PHYKPL: variants seen among roughly 807,000 people sequenced by gnomAD.
The protein encoded by PHYKPL is 5-phosphohydroxy-L-lysine phospho-lyase.
A neutral mutation model predicts 51.3 loss-of-function variants in PHYKPL; 42 were observed. That is an observed-to-expected ratio of 0.82 (90% CI 0.64 to 1.06). The LOEUF (loss-of-function observed/expected upper bound fraction) is 1.06. PHYKPL is among the 50% of genes least tolerant of loss of function. The probability of loss-of-function intolerance (pLI) is 0.00; values close to 1 mark genes in which losing one functional copy is unlikely to be tolerated. For synonymous variants in PHYKPL, 264 were observed against 236.0 expected (o/e 1.12, Z -1.09); for missense variants, 655 against 586.6 (o/e 1.12, Z -1.20).
chr5:178,217,397 T>C (rs1229763976), intron 8 of PHYKPL, among the ~76,000 whole-genome samples: 1 of 151,876 alleles, frequency 6.6e-6, no homozygotes, highest in East Asian at 2.0e-4. Context: ...ATTTTTGTAT[T>C]TTTAGTAGAG....
rs1762080898 is a variant in PHYKPL at position 178,225,348 on chromosome 5, C to T, written c.413+7G>A. The T allele has an allele frequency of 1.2e-6, 2 of 1,614,192 alleles. No individual in the cohort carries two copies. The highest frequency in any genetic ancestry group is 1.7e-6 in the Non-Finnish European group (2 of 1,180,018). The stretch of plus-strand genomic sequence containing the variant: ...CTGGGAACGGTAGGGCTGTGAGTTG[C>T]ACTTACTGATCTAATACCACCACGT... On this transcript the variant is annotated splice_region_variant and intron_variant, in intron 4 of 12. Transcript: ENST00000308158.
chr5:178,225,601 T>C lies in PHYKPL; in HGVS notation c.339-172A>G, dbSNP rs1762131534. The C allele has an allele frequency of 1.1e-5, 7 of 626,578 alleles. No individual in the cohort carries two copies. In the South Asian group the frequency reaches 1.3e-4, roughly 12 times the overall value. 38.8% of individuals were successfully genotyped at this position (626,578 alleles called of 1,614,324 possible). ...CAAATGCCTCCTATGTACTAGAAGC[T>C]GGGGGAAAAAGAGTAGGTAAAACAG... On this transcript the variant is annotated intron_variant, in intron 3 of 12. Coordinates refer to ENST00000308158, the MANE Select transcript of PHYKPL (RefSeq NM_153373.4).
chr5:178,226,524 G>A (rs1233342801), intron 3 of PHYKPL: 2 of 152,180 alleles, frequency 1.3e-5, no homozygotes, highest in Non-Finnish European at 2.9e-5. Context: ...AGATGCATAG[G>A]GTGAGGTATG....
intron 11 of PHYKPL, 45 bp downstream of exon 11, chr5:178,212,927 CA>C (rs1365304080): frequency 4.4e-6 from 7 of 1,605,612 alleles, no homozygotes; most frequent in African/African-American, 1.3e-5. Context: ...TTGCTGGCTT[CA>C]GGCTGAGTTC....
chr5:178,207,366 G>A, downstream of PHYKPL: 2 of 947,114 alleles, frequency 2.1e-6, no homozygotes, highest in Non-Finnish European at 3.1e-6. Context: ...ATGCTGCCCT[G>A]ATTGGGGCAG....
In PHYKPL at chr5:178,224,466, T is replaced by C. The variant is rs1260978656; in HGVS notation, c.600A>G (p.Ala200=). Residue 200 remains alanine (A), a synonymous_variant, in exon 6 of 13, where the codon GCA becomes GCG. Transcript: ENST00000308158. ...ANEVKRVVSS[A]QEKGRKIAAF... ...CGGTTACCTTCCTGCCCTTCTCCTG[T>C]GCACTGCTGACCACACGTTTCACCT... 6.3e-7 allele frequency: 1 copy of C among 1,596,258 alleles called. No individual in the cohort carries two copies.
intron 3 of PHYKPL, among the ~76,000 whole-genome samples, chr5:178,227,017 GC>G (rs1274530049): frequency 1.3e-5 from 2 of 152,126 alleles, no homozygotes; most frequent in East Asian, 3.9e-4. Flanking sequence ...TACGATGGAT[GC>G]CCTGGGAGAG....
At chr5:178,208,036 C>T (rs1757164977), downstream of PHYKPL, among the ~76,000 whole-genome samples, 1 of 152,174 alleles carries the variant, frequency 6.6e-6, no homozygotes, top group Non-Finnish European at 1.5e-5. Flanking sequence ...AAAGATCTCC[C>T]AGGGTCCTGG....
At chr5:178,214,669 C>T in intron 10 of PHYKPL, 127 bp downstream of exon 10, 2 of 827,082 alleles carry the variant, frequency 2.4e-6, no homozygotes, top group East Asian at 2.6e-5. Context: ...AGCCCCAGCC[C>T]TCTTTCAATC....
chr5:178,227,547 A>C (rs1190668155), intron 3 of PHYKPL, among the ~76,000 whole-genome samples: 10 of 152,126 alleles, frequency 6.6e-5, no homozygotes, highest in Non-Finnish European at 1.5e-4. Context: ...AAAAGAGCTC[A>C]GTGTGCTCCG....
intron 1 of PHYKPL, chr5:178,232,208 C>G (rs913343497): frequency 1.8e-5 from 23 of 1,255,314 alleles, no homozygotes; most frequent in African/African-American, 3.1e-5. Flanking sequence ...GAGGCTGACA[C>G]AGCCGAACAG....
chr5:178,209,508 C>G, intron 12 of PHYKPL: 1 of 1,432,224 alleles, frequency 7.0e-7, no homozygotes, highest in Non-Finnish European at 9.8e-7. Context: ...CCTTCCAAGC[C>G]TGTCTTGGGG....
intron 12 of PHYKPL, chr5:178,209,323 CTT>C: frequency 9.9e-6 from 16 of 1,613,270 alleles, no homozygotes; most frequent in Non-Finnish European, 1.3e-5. Flanking sequence ...GTCCTCTTGA[CTT>C]TTAGTGTGAG....
Position 178,225,346 on chromosome 5 carries a change from T to A in PHYKPL, c.413+9A>T. On this transcript the variant is annotated intron_variant, in intron 4 of 12. Coordinates refer to ENST00000308158, the MANE Select transcript of PHYKPL (RefSeq NM_153373.4). ...TTCTGGGAACGGTAGGGCTGTGAGTTGCACTTACTGATCTAATACCACCAC... is the reference window on the plus strand; with the variant it reads ...TTCTGGGAACGGTAGGGCTGTGAGTAGCACTTACTGATCTAATACCACCAC... 6.2e-7 allele frequency: 1 copy of A among 1,614,168 alleles called. No individual in the cohort carries two copies.
intron 8 of PHYKPL, among the ~76,000 whole-genome samples, chr5:178,220,481 G>C (rs1183973471): frequency 2.0e-5 from 3 of 152,090 alleles, no homozygotes; most frequent in African/African-American, 7.2e-5. Context: ...GGCAACAAGA[G>C]TGAAACTCTT....
chr5:178,207,331 A>C, downstream of PHYKPL: 1 of 1,338,040 alleles, frequency 7.5e-7, no homozygotes, highest in East Asian at 2.3e-5. Flanking sequence ...CAGGTTGGTC[A>C]GACTTTACTA....
At chr5:178,210,174 A>C (rs1581180661) in intron 12 of PHYKPL, 1 of 1,613,808 alleles carries the variant, frequency 6.2e-7, no homozygotes, top group South Asian at 1.1e-5. Context: ...AACTACTGGA[A>C]CCAGGGCTAC....
intron 1 of PHYKPL, 67 bp from the exon 2 acceptor site, chr5:178,231,590 A>G: frequency 1.2e-6 from 2 of 1,611,204 alleles, no homozygotes; most frequent in Non-Finnish European, 8.5e-7. Flanking sequence ...TACTCATCGC[A>G]GACCCCCGCC....
chr5:178,229,932 C>G lies in PHYKPL; in HGVS notation c.338+8G>C. On this transcript the variant is annotated splice_region_variant and intron_variant, in intron 3 of 12. Transcript: ENST00000308158. ...CCTCTTCCCGGGGGCTGGCCACAGT[C>G]CACTTACCCAGAATTCAGGAAATAG... is the stretch of plus-strand genomic sequence containing the variant. The G allele has an allele frequency of 6.2e-7, 1 of 1,612,456 alleles. No individual in the cohort carries two copies. The highest frequency in any genetic ancestry group is 1.1e-5 in the South Asian group (1 of 91,048).
Sources: allele counts gnomAD v4.1 joint callset (sites outside exome capture counted in the v4.1 genomes callset), GRCh38; gene constraint gnomAD v4.1.1; transcripts MANE v1.5; gene names NCBI Gene and HGNC (gene_info 2026-07-23, HGNC 2026-07-21).